GRIA2: variants seen among roughly 807,000 people sequenced by gnomAD.
GRIA2 encodes the protein glutamate ionotropic receptor AMPA type subunit 2.
Under a neutral mutation model 97.3 loss-of-function variants are expected in GRIA2, and 14 were observed. The observed-to-expected ratio is 0.14, with a 90% CI of 0.10 to 0.23. The LOEUF (loss-of-function observed/expected upper bound fraction) is 0.23. GRIA2 is among the 10% of genes least tolerant of loss of function. GRIA2 has a pLI of 1.00. For synonymous variants in GRIA2, 412 were observed against 387.8 expected, an observed-to-expected ratio of 1.06 and a Z score of -0.73; for missense variants, 558 against 1,069.8, an observed-to-expected ratio of 0.52 and a Z score of 6.67.
intron 5 of GRIA2, among the ~76,000 whole-genome samples, chr4:157,321,044 T>C (rs1173595132): frequency 6.6e-6 from 1 of 152,160 alleles, no homozygotes; most frequent in Non-Finnish European, 1.5e-5. Flanking sequence ...GCTCACAAGG[T>C]TGTAGTTCTT....
chr4:157,249,275 A>G (rs1210487475), intron 2 of GRIA2, among the ~76,000 whole-genome samples: 1 of 152,160 alleles, frequency 6.6e-6, no homozygotes, highest in African/African-American at 2.4e-5. Flanking sequence ...CATAATTTGA[A>G]TATCTTAGAA....
At chr4:157,267,102 A>AG (rs1332873960) in intron 2 of GRIA2, among the ~76,000 whole-genome samples, 1 of 151,868 alleles carries the variant, frequency 6.6e-6, no homozygotes, top group East Asian at 1.9e-4. Context: ...TTGAGAATCT[A>AG]GGAAAAAAAG....
At chr4:157,301,295 G>A (rs374274455) in intron 2 of GRIA2, among the ~76,000 whole-genome samples, 12 of 152,246 alleles carry the variant, frequency 7.9e-5, no homozygotes, top group African/African-American at 2.9e-4. Flanking sequence ...TGTGAAGAAA[G>A]GACATAGTTA....
At chr4:157,235,696 G>C (rs544306479) in intron 2 of GRIA2, among the ~76,000 whole-genome samples, 2 of 151,670 alleles carry the variant, frequency 1.3e-5, no homozygotes, top group Non-Finnish European at 2.9e-5. Flanking sequence ...TCAATTTTTC[G>C]CATCATATTT....
chr4:157,244,517 G>A (rs1730644271), intron 2 of GRIA2, among the ~76,000 whole-genome samples: 1 of 152,046 alleles, frequency 6.6e-6, no homozygotes, highest in South Asian at 2.1e-4. Flanking sequence ...ATTGGATTTG[G>A]ATTTTTCCTT....
intron 2 of GRIA2, among the ~76,000 whole-genome samples, chr4:157,291,250 A>T (rs1199101023): frequency 6.6e-6 from 1 of 151,822 alleles, no homozygotes; most frequent in Non-Finnish European, 1.5e-5. Context: ...TTTGTTGCCC[A>T]CTTCCTTTCT....
At chr4:157,346,052 A>T (rs1240810626) in intron 12 of GRIA2, among the ~76,000 whole-genome samples, 1 of 152,092 alleles carries the variant, frequency 6.6e-6, no homozygotes, top group African/African-American at 2.4e-5. Flanking sequence ...TTAGTTTGAA[A>T]TTTTCCATAT....
At chr4:157,274,991 A>C (rs1364484685) in intron 2 of GRIA2, among the ~76,000 whole-genome samples, 1 of 151,240 alleles carries the variant, frequency 6.6e-6, no homozygotes, top group Non-Finnish European at 1.5e-5. Flanking sequence ...CCAACAGTGT[A>C]AAAGTGTTCC....
intron 12 of GRIA2, among the ~76,000 whole-genome samples, 195 bp from the exon 13 acceptor site, chr4:157,359,701 G>A (rs573152411): frequency 6.6e-5 from 10 of 152,056 alleles, no homozygotes; most frequent in East Asian, 3.9e-4. Context: ...AGGTCCTTGC[G>A]AATCTATTAA....
intron 12 of GRIA2, among the ~76,000 whole-genome samples, chr4:157,352,130 G>A (rs1217215226): frequency 6.6e-6 from 1 of 152,074 alleles, no homozygotes; most frequent in South Asian, 2.1e-4. Flanking sequence ...GATATTTACT[G>A]GATTGCTCTA....
chr4:157,315,186 T>C lies in GRIA2; in HGVS notation c.666+2311T>C, dbSNP rs1734256784. ...GATCCAAGGAAGCAATGTTAAACAATAGGCCAGCCACCATCAGTGCAACTA... is the reference window on the plus strand; with the variant it reads ...GATCCAAGGAAGCAATGTTAAACAACAGGCCAGCCACCATCAGTGCAACTA... On this transcript the variant is annotated intron_variant, in intron 4 of 15. Transcript: ENST00000264426. 2.6e-5 allele frequency among the ~76,000 whole-genome samples: 4 copies of C among 152,158 alleles called. No individual in the cohort carries two copies. The South Asian group carries it at 8.3e-4, about 32-fold the overall frequency.
At chr4:157,339,113 A>G (rs1157646843) in intron 11 of GRIA2, among the ~76,000 whole-genome samples, 1 of 152,008 alleles carries the variant, frequency 6.6e-6, no homozygotes, top group African/African-American at 2.4e-5. Flanking sequence ...TATCTATAAG[A>G]CATGGTCTCA....
chr4:157,259,544 G>A (rs1731432988), intron 2 of GRIA2, among the ~76,000 whole-genome samples: 1 of 151,820 alleles, frequency 6.6e-6, no homozygotes, highest in South Asian at 2.1e-4. Context: ...TGAACTTTAG[G>A]GTACATTCAT....
At chr4:157,221,618 C>T (rs1729498187) in intron 1 of GRIA2, 49 bp from the exon 2 acceptor site, 1 of 1,593,400 alleles carries the variant, frequency 6.3e-7, no homozygotes, top group South Asian at 1.1e-5. Flanking sequence ...CCTCCTTTCC[C>T]TCCCGGGGCA....
At chr4:157,352,805 C>T (rs1343311621) in intron 12 of GRIA2, among the ~76,000 whole-genome samples, 1 of 151,344 alleles carries the variant, frequency 6.6e-6, no homozygotes, top group African/African-American at 2.4e-5. Flanking sequence ...ATAATCCCAG[C>T]ACTTTAAAAG....
intron 12 of GRIA2, chr4:157,342,141 T>C (rs568691923): frequency 2.1e-6 from 2 of 966,238 alleles, no homozygotes; most frequent in East Asian, 1.1e-4. Context: ...TCTATGAAAA[T>C]GTTTAAATAC....
chr4:157,220,512 G>C (rs1222324018), upstream of GRIA2: 1 of 152,014 alleles, frequency 6.6e-6, no homozygotes, highest in Non-Finnish European at 1.5e-5. Context: ...CCGCGCACGC[G>C]ACGCGTCCAC....
chr4:157,350,460 G>T (rs1735961549), intron 12 of GRIA2, among the ~76,000 whole-genome samples: 1 of 151,724 alleles, frequency 6.6e-6, no homozygotes, highest in Non-Finnish European at 1.5e-5. Context: ...ACATGAATCA[G>T]TTCTTTAGTG....
At chr4:157,232,562 T>G (rs2126696565) in intron 2 of GRIA2, among the ~76,000 whole-genome samples, 1 of 152,360 alleles carries the variant, frequency 6.6e-6, no homozygotes, top group African/African-American at 2.4e-5. Context: ...TTTACTAGTT[T>G]ATGCTATTAT....
Sources: gnomAD v4.1 joint callset for allele counts (sites outside exome capture counted in the v4.1 genomes callset) on GRCh38, gnomAD v4.1.1 for gene constraint, MANE v1.5 for transcripts, NCBI Gene and HGNC (gene_info 2026-07-23, HGNC 2026-07-21) for gene names.